Variants in COL21A1 observed in about 807,000 individuals in gnomAD.
COL21A1 encodes the protein collagen alpha-1(XXI) chain.
A neutral mutation model predicts 137.9 loss-of-function variants in COL21A1; 149 were observed. The observed-to-expected ratio is 1.08, with a 90% CI of 0.95 to 1.24. The LOEUF is 1.24. Among genes scored for constraint, COL21A1 ranks in the 50% most tolerant of loss-of-function variants. The pLI is 0.00. For synonymous variants in COL21A1, 456 were observed against 391.5 expected, an observed-to-expected ratio of 1.16 and a Z score of -1.95; for missense variants, 1,167 against 1,158.4, an observed-to-expected ratio of 1.01 and a Z score of -0.11.
In COL21A1 at chr6:56,056,757, C is replaced by T. The variant is rs1265794679; in HGVS notation, c.*900G>A. 6.6e-6 allele frequency: 1 copy of T among 152,158 alleles called. No individual in the cohort carries two copies. The highest frequency in any genetic ancestry group is 1.5e-5 in the Non-Finnish European group (1 of 68,010). 9.4% of individuals were successfully genotyped at this position (152,158 alleles called of 1,614,324 possible). A position where few individuals can be genotyped will look rare whatever the true frequency, so the allele number is the denominator to read the frequency against. ...AGTCAGCTAAAAATAACAAGACATT[C>T]TAGGATTTCAGGAGTTTTCCTTTTC... On this transcript the variant is annotated 3_prime_UTR_variant, in exon 30 of 30. Transcript: ENST00000244728.
At chr6:56,238,095 T>C (rs1032487774) in intron 1 of COL21A1, among the ~76,000 whole-genome samples, 1 of 152,100 alleles carries the variant, frequency 6.6e-6, no homozygotes, top group South Asian at 2.1e-4. Flanking sequence ...AGCCTTCACA[T>C]TACTGGGTAT....
chr6:56,125,611 C>A lies in COL21A1; in HGVS notation c.1606G>T (p.Gly536Cys). 2 of 1,583,696 alleles carry A rather than the reference C, an allele frequency of 1.3e-6. No individual in the cohort carries two copies. The highest frequency in any genetic ancestry group is 1.2e-5 in the South Asian group (1 of 86,362). Reference sequence around the variant, plus strand: ...GGTGATCCTTTGTCTCCTTTGGCACCCATTTCACCCTAAAAGACAAAATAT... The same window carrying A: ...GGTGATCCTTTGTCTCCTTTGGCACACATTTCACCCTAAAAGACAAAATAT... The part of the protein sequence containing the change: ...HGMPGSKGEM[G>C]AKGDKGSPGF... The change falls in exon 14 of 30, where the codon GGT becomes TGT. Residue 536 changes from glycine (G) to cysteine (C), a missense_variant. Physicochemically the swap from Gly to Cys is radical, Grantham distance 159. Coordinates refer to ENST00000244728, the MANE Select transcript of COL21A1 (RefSeq NM_030820.4).
intron 1 of COL21A1, among the ~76,000 whole-genome samples, chr6:56,355,517 C>G (rs1765810085): frequency 6.6e-6 from 1 of 152,046 alleles, no homozygotes; most frequent in Non-Finnish European, 1.5e-5. Context: ...ATCCTGCCTC[C>G]AAAAAACCTG....
intron 12 of COL21A1, among the ~76,000 whole-genome samples, chr6:56,129,640 C>CGT (rs1008520102): frequency 6.9e-6 from 1 of 145,258 alleles, no homozygotes; most frequent in Non-Finnish European, 1.5e-5. Context: ...CACGTGCGTG[C>CGT]GTGTGTGTGT....
At chr6:56,109,021 A>G (rs1458704857) in intron 16 of COL21A1, among the ~76,000 whole-genome samples, 1 of 151,838 alleles carries the variant, frequency 6.6e-6, no homozygotes, top group African/African-American at 2.4e-5. Context: ...TTTATTTTAA[A>G]AAAAGTTAAT....
In COL21A1 at chr6:56,170,677, A is replaced by G; in HGVS notation, c.998T>C (p.Val333Ala). 2 of 1,600,444 alleles carry G rather than the reference A, an allele frequency of 1.2e-6. No homozygotes were observed. Among genetic ancestry groups the G allele is most frequent in the Non-Finnish European group, 1.7e-6 (2 of 1,171,812 alleles). The change falls in exon 5 of 30, where the codon GTG becomes GCG. Residue 333 changes from valine to alanine, a missense_variant. By Grantham distance (64) the Val-to-Ala change is moderately conservative. Transcript: ENST00000244728. ...AACTTGAGGGTTAGCAAAGGTAACC[A>G]CTTGTGAGCCATTAATTACGCTGGT... is the stretch of plus-strand genomic sequence containing the variant. ...TTTSVINGSQ[V>A]VTFANPQVKT...
intron 1 of COL21A1, among the ~76,000 whole-genome samples, chr6:56,309,779 T>G (rs903501259): frequency 6.6e-6 from 1 of 152,238 alleles, no homozygotes; most frequent in Non-Finnish European, 1.5e-5. Flanking sequence ...AGCCTATAAA[T>G]GCATGCATTT....
intron 1 of COL21A1, among the ~76,000 whole-genome samples, chr6:56,377,179 C>T (rs1400187769): frequency 1.3e-5 from 2 of 151,724 alleles, no homozygotes; most frequent in Non-Finnish European, 2.9e-5. Context: ...TTAGTAGAGA[C>T]GGGGTTTCAC....
At chr6:56,278,772 T>C (rs907789031) in intron 1 of COL21A1, among the ~76,000 whole-genome samples, 2 of 152,226 alleles carry the variant, frequency 1.3e-5, no homozygotes, top group African/African-American at 4.8e-5. Context: ...TGAACCTGTG[T>C]TGGAACCTCC....
intron 1 of COL21A1, among the ~76,000 whole-genome samples, chr6:56,301,889 G>A (rs1160330315): frequency 2.0e-5 from 3 of 151,418 alleles, no homozygotes. Flanking sequence ...CCCGGTGTGT[G>A]ATGTTCCCCT....
chr6:56,190,543 C>A (rs1028523599), intron 1 of COL21A1, among the ~76,000 whole-genome samples: 2 of 152,176 alleles, frequency 1.3e-5, no homozygotes, highest in African/African-American at 4.8e-5. Context: ...CCTTCTGAAA[C>A]AATTCCAAAC....
intron 6 of COL21A1, 96 bp downstream of exon 6, chr6:56,168,028 G>A: frequency 1.2e-6 from 1 of 846,852 alleles, no homozygotes; most frequent in Non-Finnish European, 1.7e-6. Flanking sequence ...GAATTCATAA[G>A]TATGTTAAAT....
At chr6:56,284,575 C>A (rs1385317163) in intron 1 of COL21A1, among the ~76,000 whole-genome samples, 1 of 152,108 alleles carries the variant, frequency 6.6e-6, no homozygotes, top group East Asian at 1.9e-4. Flanking sequence ...GTGCAATAGC[C>A]TCCTAACAGC....
chr6:56,200,065 T>C (rs1779280265), intron 1 of COL21A1, among the ~76,000 whole-genome samples: 1 of 152,090 alleles, frequency 6.6e-6, no homozygotes, highest in African/African-American at 2.4e-5. Flanking sequence ...TTAAGCAACA[T>C]GAAGGAGCCA....
rs537710794 is a variant in COL21A1 at position 56,219,839 on chromosome 6, T to C, written c.-39+27548A>G. Among the ~76,000 whole-genome samples, 11 of 152,268 alleles carry C rather than the reference T, an allele frequency of 7.2e-5. No homozygotes were observed. The East Asian group carries it at 1.2e-3, about 16-fold the overall frequency. On this transcript the variant is annotated intron_variant, in intron 1 of 29. Transcript: ENST00000244728. ...ACTTTATTCATTTTTCAAGCAAATA[T>C]GTATTGAGTGCCTGATTTACTGAAT...
intron 7 of COL21A1, among the ~76,000 whole-genome samples, chr6:56,165,297 A>T (rs1284751720): frequency 6.6e-6 from 1 of 152,246 alleles, no homozygotes; most frequent in Non-Finnish European, 1.5e-5. Context: ...AAGGAGAATC[A>T]TCTTTCCAAT....
intron 1 of COL21A1, among the ~76,000 whole-genome samples, chr6:56,183,908 T>C (rs535593034): frequency 1.3e-5 from 2 of 152,020 alleles, no homozygotes; most frequent in Non-Finnish European, 2.9e-5. Flanking sequence ...CATCAGAAAA[T>C]GGTTTATGCA....
chr6:56,241,801 A>G (rs1582718231), intron 1 of COL21A1, among the ~76,000 whole-genome samples: 1 of 152,360 alleles, frequency 6.6e-6, no homozygotes, highest in East Asian at 1.9e-4. Flanking sequence ...ACATCATGCT[A>G]TGCTTGTTGA....
Position 56,199,823 on chromosome 6 carries a change from G to A in COL21A1, c.-38-17167C>T, listed in dbSNP as rs925628165. 7.2e-5 allele frequency among the ~76,000 whole-genome samples: 11 copies of A among 152,038 alleles called. No individual in the cohort carries two copies. The South Asian group carries it at 8.3e-4, about 11-fold the overall frequency. On this transcript the variant is annotated intron_variant, in intron 1 of 29. Coordinates refer to ENST00000244728, the MANE Select transcript of COL21A1 (RefSeq NM_030820.4). Reference sequence around the variant, plus strand: ...AACATTTATTAAGTGCCTACTATGTGGCAGATACTCTTTTAGGTGCTGGGA... The same window carrying A: ...AACATTTATTAAGTGCCTACTATGTAGCAGATACTCTTTTAGGTGCTGGGA...
Sources: gnomAD v4.1 joint callset for allele counts (sites outside exome capture counted in the v4.1 genomes callset) on GRCh38, gnomAD v4.1.1 for gene constraint, MANE v1.5 for transcripts, NCBI Gene and HGNC (gene_info 2026-07-23, HGNC 2026-07-21) for gene names.